Variants in KIZ observed in about 807,000 individuals in gnomAD.
KIZ encodes centrosomal protein kizuna.
Under a neutral mutation model 79.6 loss-of-function variants are expected in KIZ, and 68 were observed. The ratio of observed to expected loss-of-function variants is 0.85; its 90% CI spans 0.70 to 1.05. KIZ has a LOEUF of 1.05. Among genes scored for constraint, KIZ ranks in the 50% least tolerant of loss-of-function variants. KIZ has a pLI of 0.00. For synonymous variants in KIZ, 280 were observed against 281.8 expected (o/e 0.99, Z 0.06); for missense variants, 797 against 800.4 (o/e 1.00, Z 0.05).
rs143674163 is a variant in KIZ, at chr20:21,212,158, G to A, written c.1447-2377G>A. ...CTATCCTTGTCTGAGACTAACTTTT[G>A]TCTTCGTCCCTGCTTATCATCTTTG... On this transcript the variant is annotated intron_variant, in intron 7 of 12. Transcript: ENST00000619189. Among the ~76,000 whole-genome samples, 8 of 152,254 alleles carry A rather than the reference G, an allele frequency of 5.3e-5. No individual in the cohort carries two copies. The East Asian group carries it at 1.5e-3, about 29-fold the overall frequency.
intron 6 of KIZ, among the ~76,000 whole-genome samples, chr20:21,185,136 A>G (rs2034821423): frequency 6.6e-6 from 1 of 152,084 alleles, no homozygotes; most frequent in African/African-American, 2.4e-5. Flanking sequence ...TACTGAATCT[A>G]TTTTGAATTT....
At chr20:21,177,290 A>G (rs1487380282) in intron 6 of KIZ, among the ~76,000 whole-genome samples, 1 of 151,976 alleles carries the variant, frequency 6.6e-6, no homozygotes, top group Non-Finnish European at 1.5e-5. Flanking sequence ...TATGAACTGA[A>G]ATTTTTCTAT....
chr20:21,189,871 C>G (rs766673745), intron 6 of KIZ, among the ~76,000 whole-genome samples: 1 of 152,184 alleles, frequency 6.6e-6, no homozygotes, highest in Non-Finnish European at 1.5e-5. Flanking sequence ...CCCCTCCTTC[C>G]CTCCTTTTTG....
In KIZ at chr20:21,238,390, AGT is replaced by A. The variant is rs371646503; in HGVS notation, c.1880+5574_1880+5575del. 8.3e-4 allele frequency among the ~76,000 whole-genome samples: 124 copies of A among 149,030 alleles called. 1 individual carries two copies. Among genetic ancestry groups the A allele is most frequent in the African/African-American group, 2.4e-3 (99 of 40,432 alleles). ...GTGAGAGGGTGTGAGTGTGTGAGAG[AGT>A]GTGTGTGTGTGTGAATGTGTGTGTG... On this transcript the variant is annotated intron_variant, in intron 11 of 12. Transcript: ENST00000619189.
At position 21,140,585 on chromosome 20, in the gene KIZ, A is replaced by T. The variant is rs2122434864; in HGVS notation, c.315+4033A>T. ...GCCTATAATAATTTTCAGGGCTTTT[A>T]AAGGATATTGACGTGTTATGTAGTT... On this transcript the variant is annotated intron_variant, in intron 3 of 12. Transcript: ENST00000619189. Among the ~76,000 whole-genome samples the T allele has an allele frequency of 2.0e-5, 3 of 152,346 alleles. No homozygotes were observed. In the South Asian group the frequency reaches 6.2e-4, roughly 32 times the overall value.
chr20:21,234,868 A>G (rs2036953684), intron 11 of KIZ, among the ~76,000 whole-genome samples: 1 of 151,710 alleles, frequency 6.6e-6, no homozygotes, highest in African/African-American at 2.4e-5. Flanking sequence ...GAGGGATTTT[A>G]CTTTAAAGCA....
At position 21,144,880 on chromosome 20, in the gene KIZ, G is replaced by T. The variant is rs142457362; in HGVS notation, c.316-685G>T. Among the ~76,000 whole-genome samples the T allele has an allele frequency of 2.3e-3, 349 of 152,164 alleles. 4 individuals are homozygous for T. The highest frequency in any genetic ancestry group is 8.2e-3 in the African/African-American group (342 of 41,528). On this transcript the variant is annotated intron_variant, in intron 3 of 12. Coordinates refer to ENST00000619189, the MANE Select transcript of KIZ (RefSeq NM_018474.6). Reference sequence around the variant, plus strand: ...CTTTTTTAAGGCTTTAATTACTAGCGTACTGAATCAAAGTGCTTTTTTATG... The same window carrying T: ...CTTTTTTAAGGCTTTAATTACTAGCTTACTGAATCAAAGTGCTTTTTTATG...
intron 6 of KIZ, among the ~76,000 whole-genome samples, chr20:21,181,314 G>A (rs912592337): frequency 6.6e-6 from 1 of 152,202 alleles, no homozygotes; most frequent in East Asian, 1.9e-4. Flanking sequence ...CACACCAATG[G>A]CAAGGGTTCT....
At chr20:21,237,758 G>A (rs1224175915) in intron 11 of KIZ, among the ~76,000 whole-genome samples, 2 of 152,146 alleles carry the variant, frequency 1.3e-5, no homozygotes, top group African/African-American at 4.8e-5. Flanking sequence ...AGCTATTTCT[G>A]TTATCATCTG....
chr20:21,159,179 T>A (rs1008854870), intron 4 of KIZ, among the ~76,000 whole-genome samples: 16 of 151,670 alleles, frequency 1.1e-4, no homozygotes, highest in African/African-American at 1.9e-4. Flanking sequence ...ATTAAAAAAA[T>A]TTTTTTTAAT....
At chr20:21,132,649 A>C (rs988178056) in intron 2 of KIZ, among the ~76,000 whole-genome samples, 3 of 152,208 alleles carry the variant, frequency 2.0e-5, no homozygotes, top group African/African-American at 4.8e-5. Context: ...GTGCAGTTTA[A>C]TATAATTACT....
At chr20:21,142,423 T>G (rs951139032) in intron 3 of KIZ, among the ~76,000 whole-genome samples, 4 of 152,120 alleles carry the variant, frequency 2.6e-5, no homozygotes, top group African/African-American at 9.7e-5. Flanking sequence ...TGACTGAAAT[T>G]AATTCTTCCA....
intron 6 of KIZ, among the ~76,000 whole-genome samples, chr20:21,199,827 T>C (rs866727276): frequency 2.3e-4 from 35 of 152,314 alleles, no homozygotes; most frequent in Middle Eastern, 3.4e-3. Flanking sequence ...AATTATTTTT[T>C]TCTTTTTTTA....
At chr20:21,130,899 G>A (rs905659665) in intron 1 of KIZ, among the ~76,000 whole-genome samples, 5 of 152,226 alleles carry the variant, frequency 3.3e-5, no homozygotes, top group African/African-American at 1.2e-4. Flanking sequence ...CACAAATGGA[G>A]CATGGGGCCA....
At chr20:21,201,130 G>C (rs1379686083) in intron 6 of KIZ, among the ~76,000 whole-genome samples, 1 of 152,172 alleles carries the variant, frequency 6.6e-6, no homozygotes, top group Admixed American at 6.5e-5. Context: ...AGTGAGCTGT[G>C]ATTGTGCCAC....
intron 6 of KIZ, among the ~76,000 whole-genome samples, chr20:21,183,808 T>G (rs2034759521): frequency 6.6e-6 from 1 of 152,212 alleles, no homozygotes; most frequent in African/African-American, 2.4e-5. Context: ...AGGCTGGCTT[T>G]GCCCAAGCCT....
intron 6 of KIZ, among the ~76,000 whole-genome samples, chr20:21,182,204 T>G (rs904167670): frequency 5.9e-5 from 9 of 152,144 alleles, no homozygotes; most frequent in Non-Finnish European, 8.8e-5. Flanking sequence ...TAGAATTAAA[T>G]GCACTTATAA....
At position 21,129,281 on chromosome 20, in the gene KIZ, T is replaced by C. The variant is rs146850357; in HGVS notation, c.90-2816T>C. Among the ~76,000 whole-genome samples, 172 of 152,280 alleles carry C rather than the reference T, an allele frequency of 1.1e-3. 1 individual carries two copies. The highest frequency in any genetic ancestry group is 3.4e-3 in the Middle Eastern group (1 of 294). On this transcript the variant is annotated intron_variant, in intron 1 of 12. Transcript: ENST00000619189. Reference sequence around the variant, plus strand: ...TTGATTATCAGGGTATGAAGTGTTATGATAGAGAAGTGTGAGCAGCAGATG... The same window carrying C: ...TTGATTATCAGGGTATGAAGTGTTACGATAGAGAAGTGTGAGCAGCAGATG...
intron 6 of KIZ, among the ~76,000 whole-genome samples, chr20:21,201,451 A>G (rs900551353): frequency 6.6e-6 from 1 of 152,062 alleles, no homozygotes; most frequent in Non-Finnish European, 1.5e-5. Flanking sequence ...ACGTTTCCCA[A>G]TTGTGTTCTT....
Sources: gnomAD v4.1 joint callset for allele counts (sites outside exome capture counted in the v4.1 genomes callset) on GRCh38, gnomAD v4.1.1 for gene constraint, MANE v1.5 for transcripts, NCBI Gene and HGNC (gene_info 2026-07-23, HGNC 2026-07-21) for gene names.